SPOCK3: variants seen among roughly 807,000 people sequenced by gnomAD.
SPOCK3 encodes the protein SPARC (osteonectin), cwcv and kazal like domains proteoglycan 3.
SPOCK3 carries 30 observed loss-of-function variants against 56.6 expected under a neutral mutation model. That is an observed-to-expected ratio of 0.53 (90% confidence interval 0.40 to 0.72). The LOEUF (loss-of-function observed/expected upper bound fraction) is 0.72. Ranked by LOEUF, SPOCK3 falls within the 30% of genes least tolerant of loss-of-function variation. The pLI is 0.00. For missense variants in SPOCK3, 527 were observed against 530.0 expected (o/e 0.99, Z 0.06); for synonymous variants, 196 against 183.3 (o/e 1.07, Z -0.56).
intron 7 of SPOCK3, among the ~76,000 whole-genome samples, chr4:166,776,905 G>C (rs1014140776): frequency 6.6e-6 from 1 of 152,118 alleles, no homozygotes; most frequent in Admixed American, 6.6e-5. Context: ...GTAAATAATT[G>C]CATTAAAAGT....
At chr4:167,172,491 A>G (rs1040309261) in intron 2 of SPOCK3, among the ~76,000 whole-genome samples, 1 of 152,172 alleles carries the variant, frequency 6.6e-6, no homozygotes, top group Non-Finnish European at 1.5e-5. Flanking sequence ...TTAAAATAGG[A>G]TTCCTAATAA....
chr4:167,093,045 A>C (rs1217623418), intron 2 of SPOCK3, among the ~76,000 whole-genome samples: 1 of 152,144 alleles, frequency 6.6e-6, no homozygotes, highest in African/African-American at 2.4e-5. Flanking sequence ...TAAGTGGTTA[A>C]TTTTAATTCT....
chr4:166,926,057 A>G (rs998683161), intron 4 of SPOCK3, among the ~76,000 whole-genome samples: 1 of 152,198 alleles, frequency 6.6e-6, no homozygotes, highest in Admixed American at 6.5e-5. Context: ...TGATTAGTAG[A>G]CAGATTTTTT....
intron 2 of SPOCK3, among the ~76,000 whole-genome samples, chr4:167,141,693 A>G (rs949373572): frequency 6.6e-6 from 1 of 152,062 alleles, no homozygotes; most frequent in African/African-American, 2.4e-5. Context: ...AAAATAGGAA[A>G]GAAAAGATCA....
chr4:166,914,652 C>T (rs1737651785), intron 4 of SPOCK3, among the ~76,000 whole-genome samples: 2 of 152,094 alleles, frequency 1.3e-5, no homozygotes, highest in South Asian at 4.1e-4. Flanking sequence ...TGCCCATAAT[C>T]CCCGCTACTC....
intron 2 of SPOCK3, among the ~76,000 whole-genome samples, chr4:167,146,489 C>G (rs1179624668): frequency 6.6e-6 from 1 of 152,068 alleles, no homozygotes; most frequent in East Asian, 1.9e-4. Context: ...ACTCTCCACC[C>G]CAAATCAACA....
chr4:166,818,167 A>G lies in SPOCK3; in HGVS notation c.590-25878T>C, dbSNP rs192554968. The stretch of plus-strand genomic sequence containing the variant: ...CTGTTCCTCATCTAAGTCACTTAAC[A>G]TAATATTCCCCCGGCTCATTCCTGT... On this transcript the variant is annotated intron_variant, in intron 6 of 10. Coordinates refer to ENST00000357545, the MANE Select transcript of SPOCK3 (RefSeq NM_001040159.2). Among the ~76,000 whole-genome samples the G allele has an allele frequency of 3.2e-4, 48 of 152,134 alleles. 1 individual carries two copies. The highest frequency in any genetic ancestry group is 2.7e-3 in the Admixed American group (41 of 15,264).
intron 2 of SPOCK3, among the ~76,000 whole-genome samples, chr4:167,103,544 G>C (rs1197887207): frequency 6.6e-6 from 1 of 152,154 alleles, no homozygotes; most frequent in African/African-American, 2.4e-5. Context: ...ACTTTGTCTT[G>C]CAGTTTCAAC....
chr4:167,141,710 T>C (rs2150399782), intron 2 of SPOCK3, among the ~76,000 whole-genome samples: 1 of 152,016 alleles, frequency 6.6e-6, no homozygotes, highest in East Asian at 1.9e-4. Context: ...ATCAGTAAAT[T>C]AGAGGGCAAA....
At chr4:166,854,840 A>AT (rs1169210866) in intron 6 of SPOCK3, among the ~76,000 whole-genome samples, 1 of 152,066 alleles carries the variant, frequency 6.6e-6, no homozygotes, top group African/African-American at 2.4e-5. Context: ...GGGTGAGTGC[A>AT]TTTTTTCTGT....
At chr4:167,171,632 G>T (rs952614287) in intron 2 of SPOCK3, among the ~76,000 whole-genome samples, 1 of 151,998 alleles carries the variant, frequency 6.6e-6, no homozygotes, top group Non-Finnish European at 1.5e-5. Flanking sequence ...TTAATTAGAA[G>T]AAAATTACGA....
chr4:167,123,894 T>C (rs958648410), intron 2 of SPOCK3, among the ~76,000 whole-genome samples: 3 of 151,792 alleles, frequency 2.0e-5, no homozygotes, highest in African/African-American at 4.8e-5. Context: ...TACAGGTGCA[T>C]ACTGCCACGC....
chr4:167,016,832 G>A (rs929821728), intron 3 of SPOCK3, among the ~76,000 whole-genome samples: 3 of 152,006 alleles, frequency 2.0e-5, no homozygotes, highest in African/African-American at 4.8e-5. Flanking sequence ...TGTGAGCCAC[G>A]GCTGAACTTG....
intron 6 of SPOCK3, among the ~76,000 whole-genome samples, chr4:166,841,786 A>C (rs541305010): frequency 4.6e-5 from 7 of 152,350 alleles, no homozygotes; most frequent in South Asian, 4.2e-4. Flanking sequence ...TGCCTTCTTG[A>C]GTACGAGCAA....
intron 4 of SPOCK3, among the ~76,000 whole-genome samples, chr4:166,939,516 C>A (rs1455056552): frequency 6.6e-6 from 1 of 151,904 alleles, no homozygotes; most frequent in African/African-American, 2.4e-5. Flanking sequence ...TTGTGACTAC[C>A]AAAGTACAAG....
At chr4:166,970,737 A>G (rs1745287329) in intron 4 of SPOCK3, among the ~76,000 whole-genome samples, 1 of 65,968 alleles carries the variant, frequency 1.5e-5, no homozygotes, top group South Asian at 4.0e-4. Flanking sequence ...AAGAAAAAGA[A>G]AAAAAAAAAA....
At chr4:166,790,817 T>C (rs368002550) in intron 7 of SPOCK3, among the ~76,000 whole-genome samples, 28 of 152,230 alleles carry the variant, frequency 1.8e-4, no homozygotes, top group East Asian at 9.6e-4. Context: ...TGTTCATCTA[T>C]GAATATTGGG....
intron 4 of SPOCK3, among the ~76,000 whole-genome samples, chr4:166,928,223 T>G (rs1291983815): frequency 2.0e-5 from 3 of 152,170 alleles, no homozygotes; most frequent in Non-Finnish European, 4.4e-5. Context: ...ATTATACTCA[T>G]TGGTATGTAC....
At chr4:166,971,083 C>T (rs549925451) in intron 4 of SPOCK3, among the ~76,000 whole-genome samples, 6 of 152,174 alleles carry the variant, frequency 3.9e-5, no homozygotes, top group Non-Finnish European at 7.4e-5. Context: ...TAGGCATAGA[C>T]GTTTTCTGGC....
Sources: allele counts gnomAD v4.1 joint callset (sites outside exome capture counted in the v4.1 genomes callset), GRCh38; gene constraint gnomAD v4.1.1; transcripts MANE v1.5; gene names NCBI Gene and HGNC (gene_info 2026-07-23, HGNC 2026-07-21).